TBC1D22B: variants seen among roughly 807,000 people sequenced by gnomAD.
TBC1D22B encodes the protein chromosome 6 open reading frame 197.
Under a neutral mutation model 69.1 loss-of-function variants are expected in TBC1D22B, and 32 were observed. The observed-to-expected ratio is 0.46, with a 90% CI of 0.35 to 0.62. TBC1D22B has a LOEUF of 0.62. TBC1D22B is among the 20% of genes least tolerant of loss of function. TBC1D22B has a pLI of 0.00. For synonymous variants in TBC1D22B, 206 were observed against 229.8 expected, an observed-to-expected ratio of 0.90 and a Z score of 0.94; for missense variants, 462 against 630.9, an observed-to-expected ratio of 0.73 and a Z score of 2.87.
At chr6:37,317,425 G>T (rs988795814) in intron 12 of TBC1D22B, among the ~76,000 whole-genome samples, 6 of 152,164 alleles carry the variant, frequency 3.9e-5, no homozygotes, top group Non-Finnish European at 8.8e-5. Context: ...CAGAATGGCT[G>T]CAGAGTGACT....
At chr6:37,327,092 A>G (rs1034058884) in intron 12 of TBC1D22B, among the ~76,000 whole-genome samples, 1 of 152,162 alleles carries the variant, frequency 6.6e-6, no homozygotes, top group South Asian at 2.1e-4. Flanking sequence ...AGGAAGCAGC[A>G]GAGATGGGTA....
intron 3 of TBC1D22B, among the ~76,000 whole-genome samples, chr6:37,280,965 T>TA (rs1481000261): frequency 2.0e-5 from 3 of 152,248 alleles, no homozygotes; most frequent in Non-Finnish European, 4.4e-5. Flanking sequence ...GTCCCCTCGT[T>TA]ACACTAGGCA....
chr6:37,316,852 C>A (rs1442375646), intron 11 of TBC1D22B, 22 bp downstream of exon 11: 4 of 1,613,846 alleles, frequency 2.5e-6, no homozygotes, highest in Non-Finnish European at 3.4e-6. Context: ...TCCCCGGCCT[C>A]TCTGTGCCAG....
intron 8 of TBC1D22B, among the ~76,000 whole-genome samples, chr6:37,305,907 G>C (rs1038681703): frequency 9.2e-5 from 14 of 152,186 alleles, no homozygotes; most frequent in African/African-American, 2.7e-4. Context: ...GGGAATTGGT[G>C]GGGAGTGGGC....
chr6:37,308,225 A>G (rs183471590), intron 8 of TBC1D22B, among the ~76,000 whole-genome samples: 12 of 152,308 alleles, frequency 7.9e-5, no homozygotes, highest in African/African-American at 1.7e-4. Flanking sequence ...CATGACAACC[A>G]GAGACGCTGC....
intron 6 of TBC1D22B, among the ~76,000 whole-genome samples, chr6:37,285,867 C>A (rs1298397621): frequency 6.6e-6 from 1 of 152,226 alleles, no homozygotes; most frequent in Non-Finnish European, 1.5e-5. Flanking sequence ...AGTGATCCAC[C>A]CGCCTCAGCC....
chr6:37,322,026 A>G (rs192986967), intron 12 of TBC1D22B, among the ~76,000 whole-genome samples: 8 of 152,316 alleles, frequency 5.3e-5, no homozygotes, highest in Admixed American at 5.2e-4. Flanking sequence ...TACCAAATAG[A>G]CAAATAGATG....
intron 1 of TBC1D22B, among the ~76,000 whole-genome samples, chr6:37,260,610 G>A (rs537739188): frequency 3.3e-5 from 5 of 152,220 alleles, no homozygotes; most frequent in African/African-American, 1.2e-4. Flanking sequence ...TCATCATCCT[G>A]AAAAGAAACT....
At chr6:37,302,237 C>T (rs931912765) in intron 8 of TBC1D22B, among the ~76,000 whole-genome samples, 3 of 152,210 alleles carry the variant, frequency 2.0e-5, no homozygotes, top group Non-Finnish European at 4.4e-5. Context: ...AAGCCAGCTG[C>T]TCCTGTAAAA....
At chr6:37,266,563 G>A (rs548146290) in intron 1 of TBC1D22B, among the ~76,000 whole-genome samples, 27 of 151,266 alleles carry the variant, frequency 1.8e-4, no homozygotes, top group African/African-American at 5.6e-4. Flanking sequence ...CCCAGCTCAA[G>A]CCATTCTCCC....
At chr6:37,259,524 C>T (rs189605636) in intron 1 of TBC1D22B, among the ~76,000 whole-genome samples, 1 of 152,314 alleles carries the variant, frequency 6.6e-6, no homozygotes, top group Admixed American at 6.5e-5. Flanking sequence ...GCATGGGCTT[C>T]TGTGCCTTCT....
intron 12 of TBC1D22B, among the ~76,000 whole-genome samples, chr6:37,317,880 A>G (rs941700676): frequency 3.0e-4 from 45 of 152,264 alleles, no homozygotes; most frequent in African/African-American, 9.9e-4. Context: ...TGCCTGAGCT[A>G]TGGAAGGAAT....
At position 37,291,368 on chromosome 6, in the gene TBC1D22B, T is replaced by C. The variant is rs376883557; in HGVS notation, c.982+11T>C. 2.9e-5 allele frequency: 46 copies of C among 1,569,590 alleles called. No individual in the cohort carries two copies. The highest frequency in any genetic ancestry group is 1.6e-4 in the Admixed American group (9 of 56,730). ...TCTCAGAATATGTGGGTAAGAAGCATTAGTACCAAGCTGAACAAGCTATTG... is the reference window on the plus strand; with the variant it reads ...TCTCAGAATATGTGGGTAAGAAGCACTAGTACCAAGCTGAACAAGCTATTG... On this transcript the variant is annotated intron_variant, in intron 8 of 12. Transcript: ENST00000373491.
rs34436277 is a variant in TBC1D22B, at chr6:37,318,285, T to C, written c.1389+1079T>C. Among the ~76,000 whole-genome samples the C allele has an allele frequency of 3.2e-3, 494 of 152,248 alleles. 1 individual carries two copies. Among genetic ancestry groups the C allele is most frequent in the Non-Finnish European group, 4.9e-3 (331 of 68,014 alleles). On this transcript the variant is annotated intron_variant, in intron 12 of 12. Coordinates refer to ENST00000373491, the MANE Select transcript of TBC1D22B (RefSeq NM_017772.4). ...CAACAAGATTTCCTGATGAATTGGG[T>C]GTAGAGTACAACAGAAAGGGGTGAG...
chr6:37,284,256 C>G, intron 5 of TBC1D22B, 80 bp from the exon 6 acceptor site: 2 of 1,603,296 alleles, frequency 1.2e-6, no homozygotes, highest in Admixed American at 3.3e-5. Context: ...AGTTTCCAAA[C>G]CACTGCATAG....
At chr6:37,258,127 C>A (rs2113958442) in intron 1 of TBC1D22B, 154 bp downstream of exon 1, 1 of 828,756 alleles carries the variant, frequency 1.2e-6, no homozygotes, top group Non-Finnish European at 1.8e-6. Context: ...TGTCAGGCAG[C>A]GAAGCGAACA....
chr6:37,330,233 T>C (rs1351794944), intron 12 of TBC1D22B, among the ~76,000 whole-genome samples: 6 of 17,920 alleles, frequency 3.3e-4, no homozygotes, highest in Admixed American at 7.9e-4. Flanking sequence ...TTTTTTTTTT[T>C]TTTTTTTTTT....
chr6:37,291,151 A>G, intron 7 of TBC1D22B, 92 bp from the exon 8 acceptor site: 5 of 911,734 alleles, frequency 5.5e-6, no homozygotes, highest in South Asian at 4.3e-5. Context: ...TTCTACACCA[A>G]CCTGGAGGTA....
intron 12 of TBC1D22B, among the ~76,000 whole-genome samples, chr6:37,327,553 A>G (rs1768461041): frequency 6.6e-6 from 1 of 152,172 alleles, no homozygotes; most frequent in South Asian, 2.1e-4. Context: ...AAACAAACAA[A>G]AAAAGCTTTG....
Sources: allele counts gnomAD v4.1 joint callset (sites outside exome capture counted in the v4.1 genomes callset), GRCh38; gene constraint gnomAD v4.1.1; transcripts MANE v1.5; gene names NCBI Gene and HGNC (gene_info 2026-07-23, HGNC 2026-07-21).